The following KAZN variants were observed in gnomAD, a reference collection of about 807,000 sequenced individuals.
The protein encoded by KAZN is kazrin, periplakin interacting protein.
KAZN carries 40 observed loss-of-function variants against 87.4 expected under a neutral mutation model. The observed-to-expected ratio is 0.46, with a 90% CI of 0.36 to 0.60. The LOEUF (loss-of-function observed/expected upper bound fraction) is 0.60, where lower values mean the gene tolerates loss of function less well. Among genes scored for constraint, KAZN ranks in the 20% least tolerant of loss-of-function variants. The pLI is 0.00. For synonymous variants in KAZN, 466 were observed against 458.3 expected (o/e 1.02, Z -0.22); for missense variants, 898 against 1,073.9 (o/e 0.84, Z 2.29).
intron 2 of KAZN, among the ~76,000 whole-genome samples, chr1:14,392,714 C>T (rs568533926): frequency 4.6e-4 from 70 of 152,120 alleles, no homozygotes; most frequent in Middle Eastern, 3.4e-3. Context: ...AAAAAGTCTG[C>T]GAACATTGCC....
chr1:14,720,309 T>C (rs983919980), intron 1 of KAZN, among the ~76,000 whole-genome samples: 3 of 152,222 alleles, frequency 2.0e-5, no homozygotes, highest in African/African-American at 7.2e-5. Context: ...CCCCCTTATT[T>C]CAGTCTGAGC....
intron 1 of KAZN, among the ~76,000 whole-genome samples, chr1:14,094,865 T>C (rs921382224): frequency 6.6e-6 from 1 of 152,198 alleles, no homozygotes. Flanking sequence ...CTAGGTGGAA[T>C]GCAGCTCTGT....
Position 14,377,985 on chromosome 1 carries a change from A to C in KAZN, c.249+197393A>C, listed in dbSNP as rs114271672. ...ACCCCCAGCTGACAACCACTGGCTT[A>C]AATGAAGATCCTAGTAGGCCAACCA... On this transcript the variant is annotated intron_variant, in intron 2 of 16. Coordinates refer to the KAZN transcript ENST00000636203. 3.7e-3 allele frequency among the ~76,000 whole-genome samples: 563 copies of C among 152,338 alleles called. 2 individuals are homozygous for C. Among genetic ancestry groups the C allele is most frequent in the African/African-American group, 0.013 (550 of 41,558 alleles).
chr1:14,628,827 C>T (rs1176703415), intron 1 of KAZN, among the ~76,000 whole-genome samples: 1 of 150,080 alleles, frequency 6.7e-6, no homozygotes, highest in Non-Finnish European at 1.5e-5. Context: ...GAAGCACTGT[C>T]ACATCTTTCA....
chr1:14,960,422 C>T (rs1018824413), intron 1 of KAZN, among the ~76,000 whole-genome samples: 2 of 152,174 alleles, frequency 1.3e-5, no homozygotes, highest in African/African-American at 4.8e-5. Context: ...AGCGGACACT[C>T]TGAGTGCAGG....
At chr1:14,054,532 G>A (rs905182634) in intron 1 of KAZN, among the ~76,000 whole-genome samples, 2 of 152,148 alleles carry the variant, frequency 1.3e-5, no homozygotes, top group African/African-American at 2.4e-5. Context: ...ATTTACTAAG[G>A]TTTTCCTAGG....
At chr1:14,560,199 G>C (rs565727316) in intron 2 of KAZN, among the ~76,000 whole-genome samples, 4 of 152,246 alleles carry the variant, frequency 2.6e-5, no homozygotes, top group African/African-American at 9.6e-5. Context: ...AAATCCCAAA[G>C]TATGACAATT....
intron 2 of KAZN, among the ~76,000 whole-genome samples, chr1:14,418,878 A>G (rs1557706929): frequency 6.6e-6 from 1 of 152,214 alleles, no homozygotes. Context: ...TGTGCAAATG[A>G]AAATAAGGCT....
chr1:14,705,773 G>T (rs1476057623), intron 1 of KAZN, among the ~76,000 whole-genome samples: 1 of 152,166 alleles, frequency 6.6e-6, no homozygotes, highest in Non-Finnish European at 1.5e-5. Flanking sequence ...GCAGAGAAGG[G>T]GAGTAGGGAA....
intron 8 of KAZN, among the ~76,000 whole-genome samples, chr1:15,092,073 ATTTT>A (rs58871336): frequency 1.3e-5 from 1 of 75,486 alleles, no homozygotes; most frequent in Non-Finnish European, 2.5e-5. Flanking sequence ...TTTTTTTTTG[ATTTT>A]TTTTTTTTTT....
chr1:14,683,290 C>G (rs576567068), intron 1 of KAZN, among the ~76,000 whole-genome samples: 51 of 152,258 alleles, frequency 3.3e-4, no homozygotes, highest in African/African-American at 1.1e-3. Context: ...CTCAGTTGCT[C>G]GAATTTGAGA....
chr1:14,123,829 GT>G (rs1372481227), intron 1 of KAZN, among the ~76,000 whole-genome samples: 1 of 152,136 alleles, frequency 6.6e-6, no homozygotes, highest in Non-Finnish European at 1.5e-5. Context: ...GGTCTCAGTG[GT>G]CAAGGACAGA....
At chr1:15,043,792 G>A (rs535030931) in intron 3 of KAZN, among the ~76,000 whole-genome samples, 197 bp from the exon 4 acceptor site, 4 of 152,016 alleles carry the variant, frequency 2.6e-5, no homozygotes, top group East Asian at 3.9e-4. Context: ...ACAGGTGCCC[G>A]CCACCATGCC....
chr1:14,105,112 T>C (rs1019386703), intron 1 of KAZN, among the ~76,000 whole-genome samples: 1 of 152,214 alleles, frequency 6.6e-6, no homozygotes, highest in Admixed American at 6.5e-5. Context: ...TGCCAGGTTC[T>C]ATGCTAAGCA....
rs546101359 is a variant in KAZN, at chr1:14,703,585, C to G, written c.226+104362C>G. 5.5e-4 allele frequency among the ~76,000 whole-genome samples: 84 copies of G among 152,316 alleles called. 1 individual carries two copies. The highest frequency in any genetic ancestry group is 2.0e-3 in the African/African-American group (84 of 41,578). On this transcript the variant is annotated intron_variant, in intron 1 of 14. Transcript: ENST00000376030. ...TTTTCTTTTATAAATTACCCAGTCT[C>G]AGGTATGTCTTTATTAGCAGCATGA...
At chr1:14,554,363 AG>A (rs1372585333) in intron 2 of KAZN, among the ~76,000 whole-genome samples, 1 of 152,184 alleles carries the variant, frequency 6.6e-6, no homozygotes, top group East Asian at 1.9e-4. Flanking sequence ...ACCTAAAGTC[AG>A]TTCACAGCTC....
At chr1:14,559,159 C>T (rs1674097367) in intron 2 of KAZN, among the ~76,000 whole-genome samples, 1 of 152,132 alleles carries the variant, frequency 6.6e-6, no homozygotes, top group Admixed American at 6.5e-5. Context: ...GTTTTATATT[C>T]CAATCAACTG....
Position 15,114,548 on chromosome 1 carries a change from C to G in KAZN, c.2241C>G (p.Asn747Lys). ...ATGATGACTATGGCTCTCTTCAAAA[C>G]GAAGATTGCGGAGACGATGACCCCC... ...DFHDDYGSLQ[N>K]EDCGDDDPQS... Residue 747 changes from asparagine to lysine, a missense_variant, in exon 15 of 15, where the codon AAC (asparagine) becomes AAG (lysine). This residue lies in a region of KAZN where 127 missense variants were observed against 121.5 expected (regional missense o/e 1.04). Transcript: ENST00000376030. 1 of 1,610,114 alleles carries G rather than the reference C, an allele frequency of 6.2e-7. No individual in the cohort carries two copies. The highest frequency in any genetic ancestry group is 8.5e-7 in the Non-Finnish European group (1 of 1,178,194).
intron 1 of KAZN, among the ~76,000 whole-genome samples, chr1:14,846,022 G>C (rs1648711830): frequency 6.6e-6 from 1 of 152,172 alleles, no homozygotes; most frequent in African/African-American, 2.4e-5. Flanking sequence ...TTTATGTCAT[G>C]CTCCATCGTT....
Sources: allele counts gnomAD v4.1 joint callset (sites outside exome capture counted in the v4.1 genomes callset), GRCh38; gene constraint gnomAD v4.1.1; regional missense constraint gnomAD v4.1.1; transcripts MANE v1.5; gene names NCBI Gene and HGNC (gene_info 2026-07-23, HGNC 2026-07-21).